ATP2C1: variants seen among roughly 807,000 people sequenced by gnomAD.
The protein encoded by ATP2C1 is calcium-transporting ATPase type 2C member 1.
Under a neutral mutation model 120.5 loss-of-function variants are expected in ATP2C1, and 31 were observed. The ratio of observed to expected loss-of-function variants is 0.26; its 90% CI spans 0.19 to 0.35. The LOEUF is 0.35. Ranked by LOEUF, ATP2C1 falls within the 10% of genes least tolerant of loss-of-function variation. ATP2C1 has a pLI of 1.00. For synonymous variants in ATP2C1, 351 were observed against 358.7 expected (o/e 0.98, Z 0.24); for missense variants, 731 against 1,107.5 (o/e 0.66, Z 4.83).
chr3:130,867,878 G>A (rs1291495622), intron 1 of ATP2C1: 1 of 199,956 alleles, frequency 5.0e-6, no homozygotes, highest in Non-Finnish European at 1.0e-5. Flanking sequence ...TCACATCTAG[G>A]AAGTGAGGAG....
At position 130,979,346 on chromosome 3, in the gene ATP2C1, T is replaced by C; in HGVS notation, c.1668T>C (p.Val556=). Residue 556 remains valine (V), a synonymous_variant, in exon 19 of 28, where the codon GTT becomes GTC. Transcript: ENST00000510168. ...DPPRTGVKEA[V]TTLIASGVSI... ...CTAGAACTGGTGTGAAAGAAGCTGT[T>C]ACAACACTCATTGCCTCAGGAGTAT... 1 of 1,613,742 alleles carries C rather than the reference T, an allele frequency of 6.2e-7. No homozygotes were observed. The highest frequency in any genetic ancestry group is 8.5e-7 in the Non-Finnish European group (1 of 1,179,756).
intron 1 of ATP2C1, among the ~76,000 whole-genome samples, chr3:130,861,354 A>G (rs1227791876): frequency 6.6e-6 from 1 of 152,224 alleles, no homozygotes; most frequent in East Asian, 1.9e-4. Flanking sequence ...GAAATCCCAT[A>G]ATCTGCTGTC....
intron 26 of ATP2C1, among the ~76,000 whole-genome samples, chr3:131,009,115 T>A (rs1398464938): frequency 6.6e-6 from 1 of 152,222 alleles, no homozygotes; most frequent in South Asian, 2.1e-4. Flanking sequence ...TCCCTCCTAT[T>A]GGTTGTACAA....
intron 11 of ATP2C1, among the ~76,000 whole-genome samples, chr3:130,958,630 T>G (rs1001224615): frequency 1.4e-4 from 21 of 152,316 alleles, no homozygotes; most frequent in African/African-American, 5.1e-4. Flanking sequence ...ACAAACCTGC[T>G]TGTGCGCCCC....
chr3:131,011,535 AT>A (rs1004330707), intron 26 of ATP2C1, among the ~76,000 whole-genome samples: 1 of 152,310 alleles, frequency 6.6e-6, no homozygotes, highest in African/African-American at 2.4e-5. Context: ...GGAATATGGG[AT>A]GTACAATATT....
intron 2 of ATP2C1, among the ~76,000 whole-genome samples, chr3:130,902,674 A>G (rs184777598): frequency 3.3e-5 from 5 of 151,932 alleles, no homozygotes; most frequent in Admixed American, 2.6e-4. Flanking sequence ...TCCTATGTCT[A>G]TTGCCTTTTT....
intron 8 of ATP2C1, among the ~76,000 whole-genome samples, chr3:130,952,828 A>G (rs1316612981): frequency 6.6e-6 from 1 of 152,222 alleles, no homozygotes; most frequent in Non-Finnish European, 1.5e-5. Flanking sequence ...GCTTGTAAAT[A>G]CTGTCTGTTA....
At chr3:130,887,748 G>A (rs2069023697) in intron 1 of ATP2C1, among the ~76,000 whole-genome samples, 1 of 152,194 alleles carries the variant, frequency 6.6e-6, no homozygotes, top group South Asian at 2.1e-4. Context: ...CTGGCCCAGG[G>A]AAGGTCATGA....
At chr3:130,999,867 A>G (rs2062805220) in intron 27 of ATP2C1, among the ~76,000 whole-genome samples, 3 of 152,138 alleles carry the variant, frequency 2.0e-5, no homozygotes, top group African/African-American at 4.8e-5. Flanking sequence ...ATAGGTTATC[A>G]ATTGTTATAA....
rs115170923 is a variant in ATP2C1, at chr3:130,869,749, G to A, written c.108+18821G>A. Among the ~76,000 whole-genome samples, 1,128 of 152,330 alleles carry A rather than the reference G, an allele frequency of 7.4e-3. 11 individuals are homozygous for A. Among genetic ancestry groups the A allele is most frequent in the Non-Finnish European group, 0.014 (921 of 68,040 alleles). On this transcript the variant is annotated intron_variant, in intron 1 of 26. Transcript: ENST00000504381. ...CTCTTGAATTCTGTGAAGGTTGAGAGAGGAGGGTTAGCTGCAGAAGAAAAG... is the reference window on the plus strand; with the variant it reads ...CTCTTGAATTCTGTGAAGGTTGAGAAAGGAGGGTTAGCTGCAGAAGAAAAG...
intron 1 of ATP2C1, chr3:130,856,327 C>T (rs2067839427): frequency 6.6e-6 from 1 of 152,112 alleles, no homozygotes; most frequent in African/African-American, 2.4e-5. Context: ...GGCTCTCATA[C>T]TTACTCTGAA....
chr3:131,003,962 T>C (rs1259085682), downstream of ATP2C1, among the ~76,000 whole-genome samples: 1 of 152,216 alleles, frequency 6.6e-6, no homozygotes, highest in Non-Finnish European at 1.5e-5. Context: ...CACATATGAC[T>C]CACCCATGAA....
At chr3:131,014,501 C>G in intron 26 of ATP2C1, 1 of 960,178 alleles carries the variant, frequency 1.0e-6, no homozygotes, top group Non-Finnish European at 1.5e-6. Flanking sequence ...TCTTATTGCT[C>G]TATAATATTA....
At chr3:131,000,460 T>C (rs62282198) in intron 27 of ATP2C1, among the ~76,000 whole-genome samples, 21,629 of 152,208 alleles carry the variant, frequency 0.14, 1,672 homozygotes, top group East Asian at 0.17. Context: ...ATAGTGTGGA[T>C]AGTATTGTAA....
intron 1 of ATP2C1, among the ~76,000 whole-genome samples, chr3:130,853,214 T>C (rs368409417): frequency 1.3e-5 from 2 of 152,178 alleles, no homozygotes; most frequent in African/African-American, 4.8e-5. Flanking sequence ...AAATTCTAGG[T>C]AGATACTATT....
chr3:130,997,509 T>C, intron 24 of ATP2C1, 97 bp from the exon 25 acceptor site: 1 of 1,156,048 alleles, frequency 8.7e-7, no homozygotes, highest in Non-Finnish European at 1.3e-6. Flanking sequence ...TAAGAAAGCA[T>C]TTAGTTTGCC....
intron 2 of ATP2C1, among the ~76,000 whole-genome samples, chr3:130,917,647 A>T (rs2058745533): frequency 1.3e-5 from 2 of 152,242 alleles, no homozygotes; most frequent in Non-Finnish European, 2.9e-5. Flanking sequence ...TTGCAAAAAT[A>T]TTCTCTTAAA....
Position 130,914,883 on chromosome 3 carries a change from A to G in ATP2C1, c.7-15533A>G, listed in dbSNP as rs139952076. Among the ~76,000 whole-genome samples the G allele has an allele frequency of 3.2e-4, 49 of 152,318 alleles. 1 individual carries two copies. The highest frequency in any genetic ancestry group is 1.1e-3 in the African/African-American group (47 of 41,568). On this transcript the variant is annotated intron_variant, in intron 2 of 27. Coordinates refer to ENST00000510168, the MANE Select transcript of ATP2C1 (RefSeq NM_001378687.1). ...ATAGAAGAAGCCCAATTATTTGTGA[A>G]TAAGTATGAGAACCATCTGGATATT...
Position 130,904,196 on chromosome 3 carries a change from A to G in ATP2C1, c.6+9421A>G, listed in dbSNP as rs554982852. Among the ~76,000 whole-genome samples the G allele has an allele frequency of 2.4e-4, 37 of 152,126 alleles. 1 individual carries two copies. The highest frequency in any genetic ancestry group is 8.7e-4 in the African/African-American group (36 of 41,530). ...CTTTTGCCCAGTTACTCCTAATGTT[A>G]ACATCTTATATAACCATAGTATAAT... On this transcript the variant is annotated intron_variant, in intron 2 of 27. Coordinates refer to ENST00000510168, the MANE Select transcript of ATP2C1 (RefSeq NM_001378687.1).
Sources: allele counts gnomAD v4.1 joint callset (sites outside exome capture counted in the v4.1 genomes callset), GRCh38; gene constraint gnomAD v4.1.1; transcripts MANE v1.5; gene names NCBI Gene and HGNC (gene_info 2026-07-23, HGNC 2026-07-21).